Variants in ARAP2 observed in about 807,000 individuals in gnomAD.
ARAP2 encodes ArfGAP with RhoGAP domain, ankyrin repeat and PH domain 2.
In ARAP2, 148 loss-of-function variants were observed where a neutral mutation model predicts 194.5. The ratio of observed to expected loss-of-function variants is 0.76; its 90% confidence interval spans 0.67 to 0.87. The LOEUF is 0.87. Among genes scored for constraint, ARAP2 ranks in the 40% least tolerant of loss-of-function variants. The pLI is 0.00. For missense variants in ARAP2, 2,128 were observed against 1,989.7 expected (o/e 1.07, Z -1.32); for synonymous variants, 695 against 683.5 (o/e 1.02, Z -0.26).
chr4:36,145,220 C>T (rs1729361335), intron 19 of ARAP2, among the ~76,000 whole-genome samples: 1 of 151,906 alleles, frequency 6.6e-6, no homozygotes, highest in African/African-American at 2.4e-5. Flanking sequence ...CAAAAAGACA[C>T]CTGAACTCAT....
rs373278862 is a variant in ARAP2, at chr4:36,153,989, T to G, written c.2753-2945A>C. Among the ~76,000 whole-genome samples, 37 of 152,260 alleles carry G rather than the reference T, an allele frequency of 2.4e-4. No individual in the cohort carries two copies. In the East Asian group the frequency reaches 2.9e-3, roughly 12 times the overall value. On this transcript the variant is annotated intron_variant, in intron 15 of 32. Coordinates refer to ENST00000303965, the MANE Select transcript of ARAP2 (RefSeq NM_015230.4). ...CACACTAAGTATTTAGCATCAGAGC[T>G]GGGGAAGGAACTCCATGCAATTGGG...
Position 36,056,041 on chromosome 4 carries a change from T to C in ARAP2, n.321+1929A>G, listed in dbSNP as rs568728457. ...TTCATTAAATGTTACTCTATTTTTA[T>C]TAGGTACTTGAGTAGCTGGGCAGAA... On this transcript the variant is annotated intron_variant and non_coding_transcript_variant, in intron 2 of 12. Transcript: ENST00000503225. Among the ~76,000 whole-genome samples, 290 of 152,338 alleles carry C rather than the reference T, an allele frequency of 1.9e-3. 1 individual carries two copies. Among genetic ancestry groups the C allele is most frequent in the African/African-American group, 6.8e-3 (282 of 41,582 alleles).
chr4:36,068,342 G>A, intron 32 of ARAP2, 64 bp from the exon 33 acceptor site: 1 of 1,468,800 alleles, frequency 6.8e-7, no homozygotes. Flanking sequence ...TTTAGAAAGT[G>A]CAATCCACAT....
chr4:36,170,547 C>A (rs1447312463), intron 9 of ARAP2, among the ~76,000 whole-genome samples: 1 of 152,184 alleles, frequency 6.6e-6, no homozygotes, highest in African/African-American at 2.4e-5. Context: ...CAGGCCAGAA[C>A]AGGATGACAC....
At chr4:36,020,807 G>T (rs138383002) in intron 5 of ARAP2, among the ~76,000 whole-genome samples, 571 of 152,270 alleles carry the variant, frequency 3.7e-3, no homozygotes, top group African/African-American at 0.013. Context: ...GATATCTAAG[G>T]CATGAAGATC....
chr4:36,150,986 A>ATCATTT lies in ARAP2; in HGVS notation c.2805_2810dup (p.Glu935_Asn936dup). 1 of 1,612,336 alleles carries ATCATTT rather than the reference A, an allele frequency of 6.2e-7. No individual in the cohort carries two copies. The highest frequency in any genetic ancestry group is 1.1e-5 in the South Asian group (1 of 90,592). The stretch of plus-strand genomic sequence containing the variant: ...TGGTGCCATTAGGTGTGGTAGACTT[A>ATCATTT]TCATTTTCATAGTAACTCAAGAAGC... On this transcript the variant is annotated inframe_insertion, in exon 16 of 33. Coordinates refer to ENST00000303965, the MANE Select transcript of ARAP2 (RefSeq NM_015230.4).
chr4:36,178,519 C>T (rs1738494861), intron 8 of ARAP2, among the ~76,000 whole-genome samples: 1 of 152,156 alleles, frequency 6.6e-6, no homozygotes. Flanking sequence ...TTACCCATTC[C>T]ACTCTCACCA....
At chr4:36,124,995 G>A (rs1184737533) in intron 21 of ARAP2, 28 bp from the exon 22 acceptor site, 4 of 1,383,324 alleles carry the variant, frequency 2.9e-6, no homozygotes, top group Admixed American at 3.4e-5. Context: ...ACAATCTTGA[G>A]ATCTAAACTA....
chr4:36,136,495 T>C (rs1429070345), intron 19 of ARAP2, among the ~76,000 whole-genome samples: 4 of 151,666 alleles, frequency 2.6e-5, no homozygotes, highest in African/African-American at 9.7e-5. Context: ...GCATAAACAA[T>C]CATATTTGAG....
At chr4:36,182,659 G>C (rs1420259694) in intron 8 of ARAP2, among the ~76,000 whole-genome samples, 1 of 152,148 alleles carries the variant, frequency 6.6e-6, no homozygotes, top group Non-Finnish European at 1.5e-5. Context: ...AAATAATCCT[G>C]ATAGCAGTGG....
At chr4:36,163,534 A>T (rs1045795886) in intron 11 of ARAP2, among the ~76,000 whole-genome samples, 4 of 152,204 alleles carry the variant, frequency 2.6e-5, no homozygotes. Flanking sequence ...AAGGAATGAA[A>T]AAAAACCTAT....
rs572631804 is a variant in ARAP2, at chr4:36,031,817, C to T, written n.608-12531G>A. ...CCAAGTAGCTGGGATTACAGGCGCC[C>T]GCCACCACACCCAGCTAATTTTTGT... On this transcript the variant is annotated intron_variant and non_coding_transcript_variant, in intron 5 of 12. Coordinates refer to the ARAP2 transcript ENST00000503225. Among the ~76,000 whole-genome samples the T allele has an allele frequency of 2.0e-4, 30 of 152,010 alleles. No individual in the cohort carries two copies. In the East Asian group the frequency reaches 3.7e-3, roughly 19 times the overall value.
intron 1 of ARAP2, among the ~76,000 whole-genome samples, chr4:36,235,608 G>C (rs1752292053): frequency 6.6e-6 from 1 of 152,218 alleles, no homozygotes; most frequent in African/African-American, 2.4e-5. Context: ...GCTCTGAGAG[G>C]TCAGGGATCT....
rs563336280 is a variant in ARAP2, at chr4:36,149,506, A to T, written c.2898-999T>A. On this transcript the variant is annotated intron_variant, in intron 16 of 32. Coordinates refer to ENST00000303965, the MANE Select transcript of ARAP2 (RefSeq NM_015230.4). Reference sequence around the variant, plus strand: ...TTTGAGGCAATTCAGCAAGAATTTTATGGCAACAATTATTTTTTAACCACA... The same window carrying T: ...TTTGAGGCAATTCAGCAAGAATTTTTTGGCAACAATTATTTTTTAACCACA... Among the ~76,000 whole-genome samples the T allele has an allele frequency of 2.0e-4, 31 of 152,312 alleles. 1 individual carries two copies. The East Asian group carries it at 5.8e-3, about 28-fold the overall frequency.
chr4:36,068,448 T>G (rs761574094), intron 32 of ARAP2, among the ~76,000 whole-genome samples, 170 bp from the exon 33 acceptor site: 1 of 152,238 alleles, frequency 6.6e-6, no homozygotes, highest in African/African-American at 2.4e-5. Context: ...TATACTAATC[T>G]TAGAGCTACA....
At chr4:36,037,810 C>T (rs972475779) in intron 5 of ARAP2, among the ~76,000 whole-genome samples, 10 of 151,966 alleles carry the variant, frequency 6.6e-5, no homozygotes, top group Admixed American at 6.6e-4. Flanking sequence ...GATTTAAAAC[C>T]AATAGTCTCT....
At chr4:36,017,766 T>G (rs1716135271) in intron 6 of ARAP2, among the ~76,000 whole-genome samples, 1 of 151,936 alleles carries the variant, frequency 6.6e-6, no homozygotes, top group African/African-American at 2.4e-5. Flanking sequence ...CGAGACACTT[T>G]GTAGAGACCT....
At chr4:36,076,239 T>C (rs546206492) in intron 31 of ARAP2, among the ~76,000 whole-genome samples, 92 of 152,282 alleles carry the variant, frequency 6.0e-4, no homozygotes, top group Non-Finnish European at 1.0e-3. Flanking sequence ...ATGATGATTT[T>C]TAATAATGAA....
At chr4:36,235,388 A>T (rs1428882759) in intron 1 of ARAP2, among the ~76,000 whole-genome samples, 2 of 151,918 alleles carry the variant, frequency 1.3e-5, no homozygotes, top group Non-Finnish European at 2.9e-5. Context: ...TTACCTCTTG[A>T]TCTTGTCTCT....
Sources: allele counts gnomAD v4.1 joint callset (sites outside exome capture counted in the v4.1 genomes callset), GRCh38; gene constraint gnomAD v4.1.1; transcripts MANE v1.5; gene names NCBI Gene and HGNC (gene_info 2026-07-23, HGNC 2026-07-21).